Variants in XKR7 observed in about 807,000 individuals in gnomAD.
The protein encoded by XKR7 is XK related 7.
In XKR7, 11 loss-of-function variants were observed where a neutral mutation model predicts 42.2. The ratio of observed to expected loss-of-function variants is 0.26; its 90% CI spans 0.16 to 0.43. The LOEUF (loss-of-function observed/expected upper bound fraction) is 0.43. Ranked by LOEUF, XKR7 falls within the 20% of genes least tolerant of loss-of-function variation. The pLI is 1.00. For missense variants in XKR7, 710 were observed against 802.2 expected, an observed-to-expected ratio of 0.89 and a Z score of 1.39; for synonymous variants, 346 against 366.4, an observed-to-expected ratio of 0.94 and a Z score of 0.64.
Position 31,999,637 on chromosome 20 carries a change from C to T in XKR7, c.*2180C>T, listed in dbSNP as rs2064614968. ...GAGATGGGAGCTCTGAAGATGCGGA[C>T]CCAGACCCAGAAACAGACTGTTTCT... On this transcript the variant is annotated 3_prime_UTR_variant, in exon 3 of 3. Coordinates refer to ENST00000562532, the MANE Select transcript of XKR7 (RefSeq NM_001011718.2). 1 of 152,150 alleles carries T rather than the reference C, an allele frequency of 6.6e-6. No individual in the cohort carries two copies. The highest frequency in any genetic ancestry group is 1.5e-5 in the Non-Finnish European group (1 of 68,032). The allele number at this position is 152,150 out of a possible 1,614,324, so 9.4% of individuals were successfully genotyped here.
chr20:31,975,784 C>T (rs2064482074), intron 1 of XKR7, among the ~76,000 whole-genome samples: 1 of 152,052 alleles, frequency 6.6e-6, no homozygotes, highest in Non-Finnish European at 1.5e-5. Flanking sequence ...GAAGATTTTG[C>T]CTCTGGTTTT....
chr20:31,969,529 C>T (rs150527211), intron 1 of XKR7, among the ~76,000 whole-genome samples: 2 of 152,332 alleles, frequency 1.3e-5, no homozygotes, highest in African/African-American at 2.4e-5. Flanking sequence ...GTGCCTGCTG[C>T]ACTGAGTTAA....
chr20:31,995,392 G>A lies in XKR7; in HGVS notation c.787+122G>A. 4 of 1,469,514 alleles carry A rather than the reference G, an allele frequency of 2.7e-6. No individual in the cohort carries two copies. The highest frequency in any genetic ancestry group is 2.5e-5 in the Admixed American group (1 of 39,714). The allele number at this position is 1,469,514 out of a possible 1,614,324, so 91.0% of individuals were successfully genotyped here. A position where few individuals can be genotyped will look rare whatever the true frequency, so the allele number is the denominator to read the frequency against. ...CCCAGCTCAGGGCTCACTCAGTCAG[G>A]GTTTAGGGAGGCCTGCCCCTTCTAC... On this transcript the variant is annotated intron_variant, in intron 2 of 2. Coordinates refer to ENST00000562532, the MANE Select transcript of XKR7 (RefSeq NM_001011718.2). The surrounding 1 kb of genome is among the most constrained non-coding windows in gnomAD (Gnocchi z 4.1).
Position 31,995,112 on chromosome 20 carries a change from G to A in XKR7, c.629G>A (p.Gly210Glu), listed in dbSNP as rs1197645028. The A allele has an allele frequency of 1.9e-5, 29 of 1,557,452 alleles. No homozygotes were observed. The highest frequency in any genetic ancestry group is 2.3e-5 in the Non-Finnish European group (26 of 1,151,830). Residue 210 changes from glycine to glutamate, a missense_variant, in exon 2 of 3, where the codon GGG becomes GAG. Gly to Glu is a moderately conservative substitution (Grantham distance 98). Transcript: ENST00000562532. This position sits in a 1 kb window ranked among gnomAD's most constrained non-coding sequence, Gnocchi z 4.1. ...CTGGGGCTGCAGAGCCGCTGGCGCG[G>A]GGAGCGGCTGCGGCGCCACTTCTAC... ...LYLGLQSRWR[G>E]ERLRRHFYWQ... is the part of the protein sequence containing the mutation.
intron 1 of XKR7, among the ~76,000 whole-genome samples, chr20:31,975,197 TGG>T (rs1568880070): frequency 6.6e-6 from 1 of 152,068 alleles, no homozygotes; most frequent in Non-Finnish European, 1.5e-5. Context: ...ATTCCTCCCC[TGG>T]GAAATCCTAT....
intron 1 of XKR7, among the ~76,000 whole-genome samples, chr20:31,988,036 G>A (rs1442777616): frequency 6.6e-6 from 1 of 152,230 alleles, no homozygotes. Context: ...GCTGATCTGA[G>A]CCACAGACAG....
Position 31,997,136 on chromosome 20 carries a change from C to T in XKR7, c.1419C>T (p.Pro473=). 1.9e-6 allele frequency: 3 copies of T among 1,612,310 alleles called. No individual in the cohort carries two copies. Among genetic ancestry groups the T allele is most frequent in the South Asian group, 1.1e-5 (1 of 91,090 alleles). The stretch of plus-strand genomic sequence containing the variant: ...CCGCTGACGCCATCACGAGTCCCCC[C>T]AGGTCCCTGCCAAGGACTACAGGTG... ...GPPADAITSP[P]RSLPRTTGAE... is the part of the protein sequence containing the mutation. Residue 473 remains proline, a synonymous_variant, in exon 3 of 3, where the codon CCC becomes CCT. Coordinates refer to ENST00000562532, the MANE Select transcript of XKR7 (RefSeq NM_001011718.2).
In XKR7 at chr20:31,968,727, C is replaced by T. The variant is rs759567901; in HGVS notation, c.552C>T (p.Leu184=). 3.9e-6 allele frequency: 6 copies of T among 1,550,864 alleles called. No individual in the cohort carries two copies. Among genetic ancestry groups the T allele is most frequent in the African/African-American group, 1.4e-5 (1 of 73,912 alleles). ...TCTGCATCTGGCTGCTGCAGACCCT[C>T]GTCCACCTCCTGCAGCTCGGCCAGG... is the stretch of plus-strand genomic sequence containing the variant. ...CRLCIWLLQT[L]VHLLQLGQVW... is the part of the protein sequence containing the mutation. The change falls in exon 1 of 3, where the codon CTC becomes CTT. Residue 184 remains leucine (L), a synonymous_variant. Transcript: ENST00000562532. The surrounding 1 kb of genome is among the most constrained non-coding windows in gnomAD (Gnocchi z 4.5).
chr20:31,986,342 C>G (rs1291525547), intron 1 of XKR7, among the ~76,000 whole-genome samples: 1 of 134,198 alleles, frequency 7.5e-6, no homozygotes, highest in African/African-American at 2.9e-5. Flanking sequence ...ATCCAACATC[C>G]AAGACACAGA....
At chr20:31,990,384 T>C (rs2064564960) in intron 1 of XKR7, among the ~76,000 whole-genome samples, 1 of 152,098 alleles carries the variant, frequency 6.6e-6, no homozygotes, top group South Asian at 2.1e-4. Context: ...CTCAGAGAAG[T>C]GGAGAGACTA....
Position 31,997,047 on chromosome 20 carries a change from C to T in XKR7, c.1330C>T (p.Pro444Ser), listed in dbSNP as rs1042769035. Residue 444 changes from proline (P) to serine (S), a missense_variant, in exon 3 of 3, where the codon CCC (proline) becomes TCC (serine). Pro to Ser is a moderately conservative substitution (Grantham distance 74). Around this residue, in one of 2 missense-constraint regions of XKR7, gnomAD observed 708 missense variants for 786.2 expected, o/e 0.90. Coordinates refer to ENST00000562532, the MANE Select transcript of XKR7 (RefSeq NM_001011718.2). The stretch of plus-strand genomic sequence containing the variant: ...CTACTGTCTCCTGCACCCCAATGGG[C>T]CCATGCTGGGTCCCCAGGCACCTGG... ...VYYCLLHPNG[P>S]MLGPQAPGCI... 1.9e-6 allele frequency: 3 copies of T among 1,613,800 alleles called. No homozygotes were observed. The highest frequency in any genetic ancestry group is 1.7e-6 in the Non-Finnish European group (2 of 1,180,054).
At position 31,996,994 on chromosome 20, in the gene XKR7, C is replaced by T. The variant is rs749317124; in HGVS notation, c.1277C>T (p.Ala426Val). The T allele has an allele frequency of 3.7e-6, 6 of 1,614,112 alleles. No homozygotes were observed. The Admixed American group carries it at 6.7e-5, about 18-fold the overall frequency. Reference sequence around the variant, plus strand: ...GTCTGCGTAGTGGCCTCCAGCTTTGCGCTGGGCATATTCTTCATGTGTGTC... The same window carrying T: ...GTCTGCGTAGTGGCCTCCAGCTTTGTGCTGGGCATATTCTTCATGTGTGTC... The part of the protein sequence containing the change: ...IMVCVVASSF[A>V]LGIFFMCVYY... The change falls in exon 3 of 3, where the codon GCG becomes GTG. Residue 426 changes from alanine to valine, a missense_variant. Ala to Val is a moderately conservative substitution (Grantham distance 64). This residue lies in a region of XKR7 where 708 missense variants were observed against 786.2 expected (regional missense o/e 0.90). Transcript: ENST00000562532.
At chr20:31,979,606 A>G (rs1388607627) in intron 1 of XKR7, among the ~76,000 whole-genome samples, 1 of 152,082 alleles carries the variant, frequency 6.6e-6, no homozygotes, top group Non-Finnish European at 1.5e-5. Context: ...GTCCCTCATA[A>G]TGATAGCAGC....
intron 1 of XKR7, among the ~76,000 whole-genome samples, chr20:31,971,247 A>T (rs1461575332): frequency 6.6e-6 from 1 of 152,204 alleles, no homozygotes; most frequent in African/African-American, 2.4e-5. Context: ...GGAGGCTGAC[A>T]TCTTTATCCT....
chr20:31,980,595 CCT>C (rs770838206), intron 1 of XKR7, among the ~76,000 whole-genome samples: 43 of 152,292 alleles, frequency 2.8e-4, no homozygotes, highest in Admixed American at 1.0e-3. Flanking sequence ...ACTCTATTCC[CCT>C]GTGTCCGGGC....
In XKR7 at chr20:32,002,667, A is replaced by T. The variant is rs1239738594; in HGVS notation, c.*5210A>T. 2.6e-5 allele frequency: 4 copies of T among 152,182 alleles called. No homozygotes were observed. Among genetic ancestry groups the T allele is most frequent in the Non-Finnish European group, 5.9e-5 (4 of 68,036 alleles). 9.4% of individuals were successfully genotyped at this position (152,182 alleles called of 1,614,324 possible). A position where few individuals can be genotyped will look rare whatever the true frequency, so the allele number is the denominator to read the frequency against. On this transcript the variant is annotated 3_prime_UTR_variant, in exon 3 of 3. Transcript: ENST00000562532. ...AAACCAGCCTCATTTCTTGAAGAAG[A>T]ATTCATTTTCCCATATTAAATTAAC...
At chr20:31,980,344 G>A (rs1045690288) in intron 1 of XKR7, among the ~76,000 whole-genome samples, 6 of 152,194 alleles carry the variant, frequency 3.9e-5, no homozygotes, top group African/African-American at 1.4e-4. Flanking sequence ...TAAGGGGTAG[G>A]CAGATGGGGA....
intron 1 of XKR7, chr20:31,970,186 A>C (rs1040240520): frequency 2.0e-5 from 3 of 152,230 alleles, no homozygotes; most frequent in African/African-American, 7.2e-5. Context: ...TGCATTTATC[A>C]TTCTGTGCCC....
chr20:31,979,224 T>G (rs543701900), intron 1 of XKR7, among the ~76,000 whole-genome samples: 48 of 152,158 alleles, frequency 3.2e-4, no homozygotes, highest in Admixed American at 2.6e-3. Context: ...TCTTTTTCTT[T>G]TTTTTTTAAA....
Sources: gnomAD v4.1 joint callset for allele counts (sites outside exome capture counted in the v4.1 genomes callset) on GRCh38, gnomAD v4.1.1 for gene constraint, gnomAD v4.1.1 regional missense constraint, Gnocchi (gnomAD v3.1) non-coding constraint, MANE v1.5 for transcripts, NCBI Gene and HGNC (gene_info 2026-07-23, HGNC 2026-07-21) for gene names.